NTM: variants seen among roughly 807,000 people sequenced by gnomAD.
The protein encoded by NTM is IgLON family member 2.
A neutral mutation model predicts 42.1 loss-of-function variants in NTM; 13 were observed. That is an observed-to-expected ratio of 0.31 (90% CI 0.20 to 0.49). The LOEUF (loss-of-function observed/expected upper bound fraction) is 0.49, where lower values mean the gene tolerates loss of function less well. Ranked by LOEUF, NTM falls within the 20% of genes least tolerant of loss-of-function variation. The pLI is 0.99. For missense variants in NTM, 373 were observed against 452.8 expected (o/e 0.82, Z 1.60); for synonymous variants, 187 against 179.2 (o/e 1.04, Z -0.35).
chr11:132,147,988 A>C (rs554506945), intron 3 of NTM, among the ~76,000 whole-genome samples: 1 of 152,296 alleles, frequency 6.6e-6, no homozygotes. Flanking sequence ...AGGAGGACAC[A>C]TGAGAACAAG....
chr11:131,425,353 C>A (rs943370654), intron 1 of NTM, among the ~76,000 whole-genome samples: 1 of 152,166 alleles, frequency 6.6e-6, no homozygotes, highest in Non-Finnish European at 1.5e-5. Context: ...CAAACCCTCA[C>A]ACCTAAACAG....
chr11:132,323,656 A>C (rs2095618768), intron 7 of NTM, among the ~76,000 whole-genome samples: 1 of 152,164 alleles, frequency 6.6e-6, no homozygotes, highest in Non-Finnish European at 1.5e-5. Context: ...AAAAGAGGGA[A>C]TCCTCCCTAA....
intron 1 of NTM, among the ~76,000 whole-genome samples, chr11:131,691,115 G>T (rs2074625374): frequency 6.6e-6 from 1 of 152,176 alleles, no homozygotes; most frequent in African/African-American, 2.4e-5. Flanking sequence ...GGGAGCCCTG[G>T]GCTGTGCTCT....
chr11:131,966,947 T>G (rs2062914693), intron 2 of NTM, among the ~76,000 whole-genome samples: 1 of 152,134 alleles, frequency 6.6e-6, no homozygotes, highest in Non-Finnish European at 1.5e-5. Context: ...GAAGAGCCAG[T>G]AAGACTTGCT....
At chr11:131,825,490 G>C (rs1337378875) in intron 1 of NTM, among the ~76,000 whole-genome samples, 2 of 152,118 alleles carry the variant, frequency 1.3e-5, no homozygotes, top group Admixed American at 6.5e-5. Flanking sequence ...GGTAAGTCAT[G>C]TTACGGACTT....
chr11:132,205,738 C>T (rs986909884), intron 3 of NTM, among the ~76,000 whole-genome samples: 19 of 152,198 alleles, frequency 1.2e-4, no homozygotes, highest in East Asian at 7.7e-4. Flanking sequence ...ACTATTGGCA[C>T]GTCAGTTCTT....
intron 1 of NTM, among the ~76,000 whole-genome samples, chr11:131,456,382 AG>A (rs796652726): frequency 6.6e-5 from 10 of 152,338 alleles, no homozygotes; most frequent in African/African-American, 2.4e-4. Context: ...TGAGTATGAC[AG>A]GAATGACCCA....
intron 2 of NTM, among the ~76,000 whole-genome samples, chr11:132,130,125 AAGG>A (rs2066555411): frequency 6.6e-6 from 1 of 152,218 alleles, no homozygotes; most frequent in African/African-American, 2.4e-5. Context: ...ATATTCTCAG[AAGG>A]AGAAGGGAAC....
chr11:131,688,282 T>C (rs2074196369), intron 1 of NTM, among the ~76,000 whole-genome samples: 1 of 152,166 alleles, frequency 6.6e-6, no homozygotes, highest in Non-Finnish European at 1.5e-5. Context: ...GAAAGCAGCT[T>C]GCCCGTCCTC....
intron 7 of NTM, among the ~76,000 whole-genome samples, chr11:132,324,595 G>T: frequency 6.7e-6 from 1 of 148,592 alleles, no homozygotes; most frequent in East Asian, 1.9e-4. Context: ...TGGCCATACT[G>T]CCCAAGGTAA....
intron 2 of NTM, among the ~76,000 whole-genome samples, chr11:131,964,438 C>G (rs1285139475): frequency 6.6e-6 from 1 of 152,112 alleles, no homozygotes; most frequent in African/African-American, 2.4e-5. Flanking sequence ...TAAGCCAGGG[C>G]ATAGCCAAAG....
intron 1 of NTM, among the ~76,000 whole-genome samples, chr11:131,391,669 GA>G: frequency 1.2e-5 from 1 of 85,248 alleles, no homozygotes; most frequent in African/African-American, 4.3e-5. Context: ...AAAAAGAAAA[GA>G]AAAGAAGAAG....
chr11:132,186,817 T>TG (rs956269052), intron 3 of NTM, among the ~76,000 whole-genome samples: 1 of 152,208 alleles, frequency 6.6e-6, no homozygotes, highest in African/African-American at 2.4e-5. Context: ...ATAGGACTCT[T>TG]GCAGGTTTGC....
intron 3 of NTM, among the ~76,000 whole-genome samples, chr11:132,160,904 C>A (rs1319413527): frequency 1.3e-5 from 2 of 152,144 alleles, no homozygotes; most frequent in Non-Finnish European, 2.9e-5. Flanking sequence ...AGGAGAGACC[C>A]GAGAGGGGAG....
chr11:131,613,829 C>T (rs895344825), intron 1 of NTM, among the ~76,000 whole-genome samples: 2 of 152,086 alleles, frequency 1.3e-5, no homozygotes, highest in African/African-American at 2.4e-5. Flanking sequence ...CTAAAGCTGG[C>T]GGGAGCCTGG....
At chr11:131,969,962 C>T (rs775269706) in intron 2 of NTM, among the ~76,000 whole-genome samples, 32 of 152,170 alleles carry the variant, frequency 2.1e-4, no homozygotes, top group Non-Finnish European at 4.0e-4. Context: ...ACCACAAGTG[C>T]GCAGCACCAT....
At chr11:131,930,702 T>C (rs2058497144) in intron 2 of NTM, among the ~76,000 whole-genome samples, 2 of 152,232 alleles carry the variant, frequency 1.3e-5, no homozygotes, top group Non-Finnish European at 2.9e-5. Context: ...TTTCCTCCTT[T>C]CCTTTAGACT....
chr11:131,784,651 T>G (rs1384990033), intron 1 of NTM, among the ~76,000 whole-genome samples: 1 of 152,124 alleles, frequency 6.6e-6, no homozygotes, highest in Non-Finnish European at 1.5e-5. Flanking sequence ...TTGAGAATGT[T>G]CAACAGTGGT....
At chr11:132,120,915 T>A (rs1190914063) in intron 2 of NTM, among the ~76,000 whole-genome samples, 1 of 151,920 alleles carries the variant, frequency 6.6e-6, no homozygotes, top group Non-Finnish European at 1.5e-5. Flanking sequence ...TTGTGGGGAG[T>A]GCGTGTGTGT....
Sources: gnomAD v4.1 joint callset for allele counts (sites outside exome capture counted in the v4.1 genomes callset) on GRCh38, gnomAD v4.1.1 for gene constraint, MANE v1.5 for transcripts, NCBI Gene and HGNC (gene_info 2026-07-23, HGNC 2026-07-21) for gene names.